Variants in FLOT1 observed in about 807,000 individuals in gnomAD.
FLOT1 encodes the protein flotillin 1, also known as flotillin-1.
FLOT1 carries 40 observed loss-of-function variants against 58.4 expected under a neutral mutation model. The observed-to-expected ratio is 0.69, with a 90% CI of 0.53 to 0.89. The LOEUF (loss-of-function observed/expected upper bound fraction) is 0.89, where lower values mean the gene tolerates loss of function less well. Ranked by LOEUF, FLOT1 falls within the 40% of genes least tolerant of loss-of-function variation. The pLI, the probability that FLOT1 is intolerant of heterozygous loss-of-function variation, is 0.00. For missense variants in FLOT1, 423 were observed against 540.8 expected (o/e 0.78, Z 2.16); for synonymous variants, 178 against 204.2 (o/e 0.87, Z 1.09).
chr6:30,736,160 G>C (rs1370831242), intron 8 of FLOT1: 1 of 152,162 alleles, frequency 6.6e-6, no homozygotes, highest in African/African-American at 2.4e-5. Flanking sequence ...GCTGAGGTGG[G>C]AGTATTGCTT....
Position 30,741,746 on chromosome 6 carries a change from A to C in FLOT1, c.120-42T>G. The C allele has an allele frequency of 6.2e-7, 1 of 1,610,794 alleles. No individual in the cohort carries two copies. The highest frequency in any genetic ancestry group is 8.5e-7 in the Non-Finnish European group (1 of 1,177,986). ...GGACAGACAGTAAGAAGAGGAGGAA[A>C]AAGAGAAAACGGAGGTCCCCCTTCC... is the stretch of plus-strand genomic sequence containing the variant. On this transcript the variant is annotated intron_variant, in intron 3 of 12. Transcript: ENST00000376389. The surrounding 1 kb of genome is among the most constrained non-coding windows in gnomAD (Gnocchi z 5.9).
intron 12 of FLOT1, among the ~76,000 whole-genome samples, chr6:30,729,267 T>C (rs886909642): frequency 2.0e-5 from 3 of 151,370 alleles, no homozygotes; most frequent in South Asian, 2.1e-4. Context: ...TTAGTAAAGA[T>C]GGTGTTTCAC....
chr6:30,742,086 C>T lies in FLOT1; in HGVS notation c.43+61G>A. ...AGTTGGTAGGGAGAGGGAGAAGGGG[C>T]AGAGGCCAGACTCACAGGGGTTCTG... On this transcript the variant is annotated intron_variant, in intron 2 of 12. Transcript: ENST00000376389. The surrounding 1 kb of genome is among the most constrained non-coding windows in gnomAD (Gnocchi z 5.2). 1 of 1,547,958 alleles carries T rather than the reference C, an allele frequency of 6.5e-7. No individual in the cohort carries two copies. The highest frequency in any genetic ancestry group is 8.9e-7 in the Non-Finnish European group (1 of 1,123,334).
chr6:30,730,681 C>T lies in FLOT1; in HGVS notation c.951+1G>A, dbSNP rs1456103930. ...CAGCATGGAACTGCCTCTTAACTCACCCGCACAGACGCGGCTTCTGCCTCC... is the reference window on the plus strand; with the variant it reads ...CAGCATGGAACTGCCTCTTAACTCATCCGCACAGACGCGGCTTCTGCCTCC... On this transcript the variant is annotated splice_donor_variant, in intron 10 of 12. Transcript: ENST00000376389. LOFTEE classifies it high-confidence loss of function. 1.2e-6 allele frequency: 2 copies of T among 1,613,566 alleles called. No individual in the cohort carries two copies. Among genetic ancestry groups the T allele is most frequent in the Non-Finnish European group, 1.7e-6 (2 of 1,180,048 alleles).
chr6:30,731,180 G>T, intron 8 of FLOT1, 80 bp from the exon 9 acceptor site: 1 of 1,419,856 alleles, frequency 7.0e-7, no homozygotes, highest in Non-Finnish European at 9.5e-7. Flanking sequence ...GCTCCAGAGT[G>T]GGATATAAAA....
At chr6:30,729,934 G>T in intron 12 of FLOT1, 88 bp downstream of exon 12, 1 of 1,197,338 alleles carries the variant, frequency 8.4e-7, no homozygotes, top group Non-Finnish European at 1.2e-6. Context: ...ATGACTCCCA[G>T]GCCTGGATGC....
At position 30,730,557 on chromosome 6, in the gene FLOT1, C is replaced by G. The variant is rs1215562486; in HGVS notation, c.960G>C (p.Gly320=). The change falls in exon 11 of 13, where the codon GGG becomes GGC. Residue 320 remains glycine (G), a synonymous_variant. Coordinates refer to ENST00000376389, the MANE Select transcript of FLOT1 (RefSeq NM_005803.4). ...CCCCTATGGCAAAGGCCTCAGCTTC[C>G]CCACGCATCTGAGGGTTAAGGATGC... The part of the protein sequence containing the change: ...EAEAASVRMR[G]EAEAFAIGAR... 1 of 1,611,376 alleles carries G rather than the reference C, an allele frequency of 6.2e-7. No homozygotes were observed. Among genetic ancestry groups the G allele is most frequent in the African/African-American group, 1.3e-5 (1 of 74,872 alleles).
chr6:30,730,208 C>T (rs753293659), intron 11 of FLOT1, 22 bp from the exon 12 acceptor site: 2 of 1,612,356 alleles, frequency 1.2e-6, no homozygotes, highest in African/African-American at 1.3e-5. Context: ...GAGACACCCA[C>T]TCAGTGCCCA....
chr6:30,740,950 C>A, intron 5 of FLOT1, 152 bp from the exon 6 acceptor site: 2 of 1,236,760 alleles, frequency 1.6e-6, no homozygotes. Context: ...CCATACCCAG[C>A]TAATTTTTGT....
intron 12 of FLOT1, among the ~76,000 whole-genome samples, chr6:30,728,798 T>C (rs1429540485): frequency 1.3e-5 from 2 of 151,678 alleles, no homozygotes; most frequent in Admixed American, 6.6e-5. Flanking sequence ...CTTTTTTTTT[T>C]TGAGACAGAG....
chr6:30,740,637 T>C (rs774295690), intron 6 of FLOT1, 42 bp downstream of exon 6: 1 of 1,612,922 alleles, frequency 6.2e-7, no homozygotes, highest in South Asian at 1.1e-5. Context: ...GCTTAAGAGA[T>C]GGGAGCAAGG....
chr6:30,731,696 T>C (rs556366830), intron 8 of FLOT1, among the ~76,000 whole-genome samples: 1 of 152,216 alleles, frequency 6.6e-6, no homozygotes, highest in Non-Finnish European at 1.5e-5. Context: ...ATCCCCCCAC[T>C]GTTGCTGCGA....
At chr6:30,740,406 G>A in intron 7 of FLOT1, 90 bp downstream of exon 7, 1 of 1,587,518 alleles carries the variant, frequency 6.3e-7, no homozygotes, top group African/African-American at 1.3e-5. Context: ...TCTGCCTCAT[G>A]TATTTTCCCT....
intron 8 of FLOT1, among the ~76,000 whole-genome samples, chr6:30,735,351 C>A (rs1159851879): frequency 6.6e-6 from 1 of 151,862 alleles, no homozygotes; most frequent in Non-Finnish European, 1.5e-5. Flanking sequence ...GTAACTCACA[C>A]CTGTAATCCC....
rs1207078482 is a variant in FLOT1 at position 30,737,254 on chromosome 6, GTCCA to G, written c.723+2900_723+2903del. Among the ~76,000 whole-genome samples the G allele has an allele frequency of 4.7e-4, 68 of 143,338 alleles. No individual in the cohort carries two copies. Among genetic ancestry groups the G allele is most frequent in the African/African-American group, 1.6e-3 (63 of 40,078 alleles). 94.0% of individuals were successfully genotyped at this position (143,338 alleles called of 152,430 possible). On this transcript the variant is annotated intron_variant, in intron 8 of 12. Transcript: ENST00000376389. This position sits in a 1 kb window ranked among gnomAD's most constrained non-coding sequence, Gnocchi z 4.4. ...CGTCCGTCCGTCCGTCCGTCCATCC[GTCCA>G]TCCATCCATCCATATATCTATCTTA...
At chr6:30,735,084 A>C (rs969886866) in intron 8 of FLOT1, among the ~76,000 whole-genome samples, 6 of 149,416 alleles carry the variant, frequency 4.0e-5, no homozygotes, top group African/African-American at 1.5e-4. Flanking sequence ...ATTTTAAGTT[A>C]TTTCTTTTTG....
At chr6:30,738,069 T>C (rs1777716135) in intron 8 of FLOT1, among the ~76,000 whole-genome samples, 1 of 152,380 alleles carries the variant, frequency 6.6e-6, no homozygotes, top group African/African-American at 2.4e-5. Context: ...ACCTTATCCA[T>C]AGCTTCACTG....
rs201604170 is a variant in FLOT1, at chr6:30,741,652, G to A, written c.172C>T (p.Arg58Cys). 2.0e-4 allele frequency: 325 copies of A among 1,612,864 alleles called. 1 individual carries two copies. The highest frequency in any genetic ancestry group is 1.3e-4 in the Non-Finnish European group (156 of 1,179,972). ...LNVKSEKVYT[R>C]HGVPISVTGI... Reference sequence around the variant, plus strand: ...GTGACTGAGATGGGGACCCCATGGCGAGTGTAAACCTTTTCACTCTTGACA... The same window carrying A: ...GTGACTGAGATGGGGACCCCATGGCAAGTGTAAACCTTTTCACTCTTGACA... The change falls in exon 4 of 13, where the codon CGC becomes TGC. Residue 58 changes from arginine (R) to cysteine (C), a missense_variant. Around this residue, in one of 6 missense-constraint regions of FLOT1, gnomAD observed 91 missense variants for 118.3 expected, o/e 0.77. Coordinates refer to ENST00000376389, the MANE Select transcript of FLOT1 (RefSeq NM_005803.4). The surrounding 1 kb of genome is among the most constrained non-coding windows in gnomAD (Gnocchi z 5.9).
intron 8 of FLOT1, among the ~76,000 whole-genome samples, chr6:30,734,114 T>A (rs1777402293): frequency 6.7e-6 from 1 of 149,628 alleles, no homozygotes; most frequent in Non-Finnish European, 1.5e-5. Context: ...TTGAGATCTC[T>A]CTCTCTCTAG....
Sources: gnomAD v4.1 joint callset for allele counts (sites outside exome capture counted in the v4.1 genomes callset) on GRCh38, gnomAD v4.1.1 for gene constraint, gnomAD v4.1.1 regional missense constraint, Gnocchi (gnomAD v3.1) non-coding constraint, MANE v1.5 for transcripts, NCBI Gene and HGNC (gene_info 2026-07-23, HGNC 2026-07-21) for gene names.